LPAR1: variants seen among roughly 807,000 people sequenced by gnomAD.
LPAR1 encodes lysophosphatidic acid receptor 1, also known as LPA receptor 1.
Under a neutral mutation model 23.8 loss-of-function variants are expected in LPAR1, and 5 were observed. The ratio of observed to expected loss-of-function variants is 0.21; its 90% CI spans 0.11 to 0.44. The LOEUF is 0.44. LPAR1 is among the 20% of genes least tolerant of loss of function. The pLI is 0.99. For synonymous variants in LPAR1, 160 were observed against 164.7 expected (o/e 0.97, Z 0.22); for missense variants, 311 against 482.8 (o/e 0.64, Z 3.33).
intron 5 of LPAR1, among the ~76,000 whole-genome samples, chr9:110,923,230 T>C (rs551841487): frequency 6.6e-6 from 1 of 152,324 alleles, no homozygotes; most frequent in South Asian, 2.1e-4. Flanking sequence ...AAACAAGTTA[T>C]GTATCATGTA....
At chr9:110,911,689 A>G (rs2092453305) in intron 5 of LPAR1, among the ~76,000 whole-genome samples, 1 of 152,248 alleles carries the variant, frequency 6.6e-6, no homozygotes, top group Admixed American at 6.5e-5. Context: ...CTGTTTTTAA[A>G]TTAAGGTATG....
At chr9:110,898,952 T>C (rs1242794134) in intron 5 of LPAR1, among the ~76,000 whole-genome samples, 1 of 152,214 alleles carries the variant, frequency 6.6e-6, no homozygotes, top group Non-Finnish European at 1.5e-5. Context: ...GTAACCATCA[T>C]ATAAAGTAAC....
intron 2 of LPAR1, among the ~76,000 whole-genome samples, chr9:111,022,039 A>G (rs928556966): frequency 6.6e-6 from 1 of 151,786 alleles, no homozygotes; most frequent in East Asian, 1.9e-4. Context: ...TGTAATGAGA[A>G]GCATTAGTAG....
intron 5 of LPAR1, among the ~76,000 whole-genome samples, chr9:110,877,140 C>T (rs913314630): frequency 6.6e-6 from 1 of 152,182 alleles, no homozygotes; most frequent in African/African-American, 2.4e-5. Flanking sequence ...TTTGGTCCAG[C>T]CTCAAGGAAT....
At chr9:110,921,199 A>G (rs1409370999) in intron 5 of LPAR1, among the ~76,000 whole-genome samples, 2 of 152,164 alleles carry the variant, frequency 1.3e-5, no homozygotes, top group Non-Finnish European at 2.9e-5. Flanking sequence ...GCTTGAGACC[A>G]GGAGGTTGAG....
chr9:110,999,849 C>T (rs1369271552), intron 2 of LPAR1, among the ~76,000 whole-genome samples: 2 of 151,952 alleles, frequency 1.3e-5, no homozygotes, highest in African/African-American at 2.4e-5. Context: ...AAACTACACG[C>T]ACACGCCACC....
At chr9:111,011,382 C>T (rs2097328562) in intron 2 of LPAR1, among the ~76,000 whole-genome samples, 1 of 152,170 alleles carries the variant, frequency 6.6e-6, no homozygotes, top group Admixed American at 6.6e-5. Context: ...TAACGGGAAG[C>T]TCACTACCTT....
intron 2 of LPAR1, among the ~76,000 whole-genome samples, chr9:111,005,678 T>C (rs1031915987): frequency 3.3e-5 from 5 of 151,684 alleles, no homozygotes; most frequent in Admixed American, 3.3e-4. Context: ...AGTCTTAACA[T>C]TATTTACCAA....
chr9:111,009,998 A>AAAATATATATATAT (rs2097298554), intron 2 of LPAR1, among the ~76,000 whole-genome samples: 1 of 123,436 alleles, frequency 8.1e-6, no homozygotes, highest in African/African-American at 3.1e-5. Flanking sequence ...TAATTAGGAA[A>AAAATATATATATAT]ATATATATAT....
At chr9:110,942,384 T>C (rs1172099374) in intron 4 of LPAR1, among the ~76,000 whole-genome samples, 1 of 152,194 alleles carries the variant, frequency 6.6e-6, no homozygotes, top group Non-Finnish European at 1.5e-5. Flanking sequence ...TGGAGTTAAA[T>C]AAATGACAAG....
intron 5 of LPAR1, among the ~76,000 whole-genome samples, chr9:110,908,892 C>T (rs1167109757): frequency 6.6e-6 from 1 of 152,188 alleles, no homozygotes; most frequent in East Asian, 1.9e-4. Context: ...CCCATCGTTC[C>T]ATAGACTGTT....
intron 2 of LPAR1, among the ~76,000 whole-genome samples, chr9:111,020,903 CT>C (rs2097548266): frequency 6.6e-6 from 1 of 152,248 alleles, no homozygotes; most frequent in East Asian, 1.9e-4. Context: ...CCTGGACTTC[CT>C]GAGTAAATAT....
rs1453531165 is a variant in LPAR1 at position 110,953,638 on chromosome 9, G to C, written c.46-11470C>G. Among the ~76,000 whole-genome samples, 7 of 149,926 alleles carry C rather than the reference G, an allele frequency of 4.7e-5. No individual in the cohort carries two copies. In the East Asian group the frequency reaches 1.4e-3, roughly 30 times the overall value. ...AGATCGTGCCATGTCACTCCAGCCTGGGCAACAAGAGTGAAACTTGGTCTC... is the reference window on the plus strand; with the variant it reads ...AGATCGTGCCATGTCACTCCAGCCTCGGCAACAAGAGTGAAACTTGGTCTC... On this transcript the variant is annotated intron_variant, in intron 4 of 5. Coordinates refer to ENST00000683809, the MANE Select transcript of LPAR1 (RefSeq NM_001351411.2).
chr9:111,005,922 A>G (rs961899159), intron 2 of LPAR1, among the ~76,000 whole-genome samples: 2 of 152,168 alleles, frequency 1.3e-5, no homozygotes, highest in African/African-American at 2.4e-5. Context: ...TACCTTGCAC[A>G]TAAGTCATAA....
intron 2 of LPAR1, among the ~76,000 whole-genome samples, chr9:111,009,405 A>T (rs1453917889): frequency 6.6e-6 from 1 of 152,156 alleles, no homozygotes; most frequent in Non-Finnish European, 1.5e-5. Flanking sequence ...AACAAATTTT[A>T]TTGAGCATTT....
intron 5 of LPAR1, among the ~76,000 whole-genome samples, chr9:110,903,900 A>G (rs1588230303): frequency 6.7e-6 from 1 of 150,360 alleles, no homozygotes; most frequent in Admixed American, 6.6e-5. Context: ...AAAAAAAAAA[A>G]AAAAGTCTTG....
At chr9:110,922,551 G>C (rs1292364905) in intron 5 of LPAR1, among the ~76,000 whole-genome samples, 1 of 152,048 alleles carries the variant, frequency 6.6e-6, no homozygotes. Context: ...ATATGGTTTT[G>C]TTTTACAAAA....
chr9:110,879,815 G>A (rs1348877163), intron 5 of LPAR1, among the ~76,000 whole-genome samples: 1 of 152,224 alleles, frequency 6.6e-6, no homozygotes, highest in Non-Finnish European at 1.5e-5. Context: ...AGAAGGACTG[G>A]AGAAGTATTT....
chr9:111,034,992 T>C (rs1022275763), intron 2 of LPAR1, among the ~76,000 whole-genome samples: 15 of 152,204 alleles, frequency 9.9e-5, no homozygotes, highest in African/African-American at 3.4e-4. Flanking sequence ...TTCCCTGGCA[T>C]GCCAAAGTTC....
Sources: allele counts gnomAD v4.1 joint callset (sites outside exome capture counted in the v4.1 genomes callset), GRCh38; gene constraint gnomAD v4.1.1; transcripts MANE v1.5; gene names NCBI Gene and HGNC (gene_info 2026-07-23, HGNC 2026-07-21).